Variants in TCF7L1 observed in about 807,000 individuals in gnomAD.
The protein encoded by TCF7L1 is transcription factor 7 like 1, also known as transcription factor 7-like 1.
Under a neutral mutation model 63.7 loss-of-function variants are expected in TCF7L1, and 18 were observed. The ratio of observed to expected loss-of-function variants is 0.28; its 90% CI spans 0.20 to 0.42. The LOEUF (loss-of-function observed/expected upper bound fraction) is 0.42. Ranked by LOEUF, TCF7L1 falls within the 10% of genes least tolerant of loss-of-function variation. The pLI is 1.00. For missense variants in TCF7L1, 654 were observed against 779.3 expected, an observed-to-expected ratio of 0.84 and a Z score of 1.91; for synonymous variants, 355 against 340.9, an observed-to-expected ratio of 1.04 and a Z score of -0.46.
At position 85,134,748 on chromosome 2, in the gene TCF7L1, G is replaced by C. The variant is rs1473930654; in HGVS notation, c.441+298G>C. 1.3e-5 allele frequency among the ~76,000 whole-genome samples: 2 copies of C among 152,200 alleles called. No homozygotes were observed. Among genetic ancestry groups the C allele is most frequent in the African/African-American group, 4.8e-5 (2 of 41,454 alleles). On this transcript the variant is annotated intron_variant, in intron 3 of 11. Coordinates refer to ENST00000282111, the MANE Select transcript of TCF7L1 (RefSeq NM_031283.3). The surrounding 1 kb of genome is among the most constrained non-coding windows in gnomAD (Gnocchi z 5.0). ...TGCACCGAAGGAAACTTGGATTTGT[G>C]CCCGCTTTGGGGGGGTCTCGCTTTC...
chr2:85,225,771 CTT>C (rs1487754389), intron 3 of TCF7L1, among the ~76,000 whole-genome samples: 2 of 152,192 alleles, frequency 1.3e-5, no homozygotes, highest in Non-Finnish European at 2.9e-5. Context: ...CCCTTTATTT[CTT>C]TCTCTTGACT....
intron 3 of TCF7L1, among the ~76,000 whole-genome samples, chr2:85,234,131 C>CTTTTTTTTTT (rs35508338): frequency 4.0e-4 from 26 of 65,210 alleles, no homozygotes; most frequent in African/African-American, 1.0e-3. Flanking sequence ...TTTTTCTTTT[C>CTTTTTTTTTT]TTTTTTTTTT....
At position 85,134,107 on chromosome 2, in the gene TCF7L1, C is replaced by T. The variant is rs1214285676; in HGVS notation, c.313+28C>T. 2 of 1,605,036 alleles carry T rather than the reference C, an allele frequency of 1.2e-6. No homozygotes were observed. Among genetic ancestry groups the T allele is most frequent in the Non-Finnish European group, 1.7e-6 (2 of 1,176,800 alleles). On this transcript the variant is annotated intron_variant, in intron 2 of 11. Coordinates refer to ENST00000282111, the MANE Select transcript of TCF7L1 (RefSeq NM_031283.3). This position sits in a 1 kb window ranked among gnomAD's most constrained non-coding sequence, Gnocchi z 5.0. Reference sequence around the variant, plus strand: ...ATGTGCCCGCTGGGACAGCCCCCCACTCTCGATTCCCGCTGCGCTCCGCTG... The same window carrying T: ...ATGTGCCCGCTGGGACAGCCCCCCATTCTCGATTCCCGCTGCGCTCCGCTG...
At chr2:85,301,719 G>A (rs532808911) in intron 4 of TCF7L1, among the ~76,000 whole-genome samples, 2 of 152,326 alleles carry the variant, frequency 1.3e-5, no homozygotes, top group African/African-American at 4.8e-5. Context: ...CTGAATATGA[G>A]ACTTGGTAGT....
chr2:85,205,691 A>AT (rs1280460257), intron 3 of TCF7L1, among the ~76,000 whole-genome samples: 64 of 150,592 alleles, frequency 4.2e-4, no homozygotes, highest in Non-Finnish European at 6.7e-4. Context: ...TAATTTTTGT[A>AT]TTTTTTTTTA....
intron 3 of TCF7L1, among the ~76,000 whole-genome samples, chr2:85,234,606 A>G (rs535848797): frequency 6.6e-6 from 1 of 152,306 alleles, no homozygotes; most frequent in South Asian, 2.1e-4. Context: ...CTTGGACCAC[A>G]TTCCCCATCT....
At chr2:85,188,390 G>C (rs1172344042) in intron 3 of TCF7L1, among the ~76,000 whole-genome samples, 1 of 152,156 alleles carries the variant, frequency 6.6e-6, no homozygotes, top group African/African-American at 2.4e-5. Flanking sequence ...ATCGGGGGAG[G>C]CTAGGCTAGA....
chr2:85,252,264 G>C (rs897278189), intron 3 of TCF7L1, among the ~76,000 whole-genome samples: 1 of 152,264 alleles, frequency 6.6e-6, no homozygotes, highest in Admixed American at 6.5e-5. Context: ...GATGCCTCTG[G>C]CCTCTCAGTT....
chr2:85,152,437 C>T (rs34742498), intron 3 of TCF7L1, among the ~76,000 whole-genome samples: 85,539 of 131,462 alleles, frequency 0.65, 28,291 homozygotes, highest in East Asian at 0.91. Context: ...CTCTCTCTCT[C>T]TTTTTTTTTT....
At chr2:85,263,616 CA>C (rs1680905564) in intron 3 of TCF7L1, among the ~76,000 whole-genome samples, 1 of 152,222 alleles carries the variant, frequency 6.6e-6, no homozygotes, top group African/African-American at 2.4e-5. Context: ...CTTTCACTTT[CA>C]AAGGAGCCTT....
chr2:85,181,360 C>G (rs1399257007), intron 3 of TCF7L1, among the ~76,000 whole-genome samples: 1 of 152,318 alleles, frequency 6.6e-6, no homozygotes, highest in Middle Eastern at 3.4e-3. Context: ...CTGGGAAAGG[C>G]CCTGCTTTGG....
chr2:85,153,030 T>G (rs1412304495), intron 3 of TCF7L1, among the ~76,000 whole-genome samples: 1 of 152,254 alleles, frequency 6.6e-6, no homozygotes, highest in Non-Finnish European at 1.5e-5. Context: ...CTTCGTTTCC[T>G]TAGTTCTCAC....
At chr2:85,237,434 T>G (rs1424591708) in intron 3 of TCF7L1, among the ~76,000 whole-genome samples, 1 of 152,098 alleles carries the variant, frequency 6.6e-6, no homozygotes, top group African/African-American at 2.4e-5. Flanking sequence ...GTCTGGGGCT[T>G]CCACAGTGTG....
intron 3 of TCF7L1, among the ~76,000 whole-genome samples, chr2:85,220,259 G>GA (rs887971624): frequency 1.3e-5 from 2 of 151,104 alleles, no homozygotes; most frequent in African/African-American, 2.4e-5. Context: ...ATTTCTTTAA[G>GA]AAAAAAAAGA....
intron 3 of TCF7L1, among the ~76,000 whole-genome samples, chr2:85,264,773 G>C (rs1680930244): frequency 6.6e-6 from 1 of 152,162 alleles, no homozygotes; most frequent in Non-Finnish European, 1.5e-5. Flanking sequence ...TTTGATTGGA[G>C]AGTTGGGGGA....
intron 3 of TCF7L1, among the ~76,000 whole-genome samples, chr2:85,266,223 A>G (rs1051829456): frequency 1.3e-5 from 2 of 152,228 alleles, no homozygotes; most frequent in African/African-American, 4.8e-5. Context: ...CCTTGCAGCT[A>G]TATTTTGCTT....
chr2:85,228,978 G>A (rs1473415784), intron 3 of TCF7L1, among the ~76,000 whole-genome samples: 10 of 140,286 alleles, frequency 7.1e-5, no homozygotes, highest in Admixed American at 3.7e-4. Flanking sequence ...CCGAGATTGC[G>A]CCACTGCACT....
intron 6 of TCF7L1, 55 bp from the exon 7 acceptor site, chr2:85,304,200 C>A: frequency 6.4e-7 from 1 of 1,552,358 alleles, no homozygotes. Flanking sequence ...AAGTGCCTCT[C>A]TTCCTCTGCC....
Position 85,233,398 on chromosome 2 carries a change from C to T in TCF7L1, c.442-50097C>T, listed in dbSNP as rs115096850. ...TGGCGTGATTTCGGTTCACTGCAAC[C>T]TCCGATTCTCTGGTTCAAGTGATTC... On this transcript the variant is annotated intron_variant, in intron 3 of 11. Transcript: ENST00000282111. Among the ~76,000 whole-genome samples the T allele has an allele frequency of 2.1e-3, 319 of 150,976 alleles. 2 individuals are homozygous for T. The highest frequency in any genetic ancestry group is 3.7e-3 in the Non-Finnish European group (250 of 67,926).
Sources: gnomAD v4.1 joint callset for allele counts (sites outside exome capture counted in the v4.1 genomes callset) on GRCh38, gnomAD v4.1.1 for gene constraint, Gnocchi (gnomAD v3.1) non-coding constraint, MANE v1.5 for transcripts, NCBI Gene and HGNC (gene_info 2026-07-23, HGNC 2026-07-21) for gene names.